The following COL4A1 variants were observed in gnomAD, a reference collection of about 807,000 sequenced individuals.
COL4A1 encodes collagen type IV alpha 1 chain.
Under a neutral mutation model 216.6 loss-of-function variants are expected in COL4A1, and 40 were observed. The ratio of observed to expected loss-of-function variants is 0.18; its 90% CI spans 0.14 to 0.24. COL4A1 has a LOEUF of 0.24. COL4A1 is among the 10% of genes least tolerant of loss of function. The pLI is 1.00. For synonymous variants in COL4A1, 839 were observed against 810.7 expected (o/e 1.03, Z -0.59); for missense variants, 1,628 against 2,196.8 (o/e 0.74, Z 5.18).
At position 110,236,025 on chromosome 13, in the gene COL4A1, T is replaced by A. The variant is rs1050095523; in HGVS notation, c.144+6650A>T. 6.6e-5 allele frequency among the ~76,000 whole-genome samples: 10 copies of A among 152,304 alleles called. No homozygotes were observed. In the East Asian group the frequency reaches 1.9e-3, roughly 29 times the overall value. On this transcript the variant is annotated intron_variant, in intron 2 of 51. Coordinates refer to ENST00000375820, the MANE Select transcript of COL4A1 (RefSeq NM_001845.6). ...TTCATCTAAGATTTAATTACAACTA[T>A]GAAAATACCCTAAATTTATGATCTT...
rs1877066627 is a variant in COL4A1 at position 110,161,173 on chromosome 13, C to A, written c.4640+19G>T. The A allele has an allele frequency of 6.2e-7, 1 of 1,612,868 alleles. No individual in the cohort carries two copies. Among genetic ancestry groups the A allele is most frequent in the South Asian group, 1.1e-5 (1 of 91,050 alleles). ...TTCCTCTTCAATTTTGCATTTGTTC[C>A]TACAGATGCTCGACTCACCTACTAA... is the stretch of plus-strand genomic sequence containing the variant. On this transcript the variant is annotated intron_variant, in intron 49 of 51. Transcript: ENST00000375820.
At position 110,207,155 on chromosome 13, in the gene COL4A1, C is replaced by T. The variant is rs1436539573; in HGVS notation, c.780+248G>A. Among the ~76,000 whole-genome samples, 1 of 151,884 alleles carries T rather than the reference C, an allele frequency of 6.6e-6. No homozygotes were observed. Among genetic ancestry groups the T allele is most frequent in the Admixed American group, 6.6e-5 (1 of 15,258 alleles). ...CTCCTCCTGACCAAGCCATCTCCAA[C>T]TTGGGGCACATTTAAGAAGCCCTGA... On this transcript the variant is annotated intron_variant, in intron 13 of 51. Coordinates refer to ENST00000375820, the MANE Select transcript of COL4A1 (RefSeq NM_001845.6). This position sits in a 1 kb window ranked among gnomAD's most constrained non-coding sequence, Gnocchi z 4.4.
intron 22 of COL4A1, 135 bp from the exon 23 acceptor site, chr13:110,193,048 C>A: frequency 1.3e-6 from 1 of 771,354 alleles, no homozygotes. Flanking sequence ...GTGGCAATGG[C>A]TCCTCCAGAC....
chr13:110,262,084 C>T (rs766860997), intron 1 of COL4A1, among the ~76,000 whole-genome samples: 10 of 152,162 alleles, frequency 6.6e-5, no homozygotes, highest in Non-Finnish European at 1.3e-4. Context: ...GTTTCTTCAA[C>T]GCCACATTAG....
chr13:110,228,636 T>C (rs935595379), intron 2 of COL4A1, among the ~76,000 whole-genome samples: 1 of 152,216 alleles, frequency 6.6e-6, no homozygotes, highest in Non-Finnish European at 1.5e-5. Flanking sequence ...AACGGATGCT[T>C]ATACCAACTC....
chr13:110,222,121 C>G (rs1566387982), intron 2 of COL4A1, among the ~76,000 whole-genome samples: 1 of 152,200 alleles, frequency 6.6e-6, no homozygotes, highest in Non-Finnish European at 1.5e-5. Flanking sequence ...GCGACCCACA[C>G]AGCAGCACCC....
intron 24 of COL4A1, 101 bp downstream of exon 24, chr13:110,192,113 C>A: frequency 1.6e-6 from 2 of 1,239,000 alleles, no homozygotes. Context: ...AGCTCCCACA[C>A]AAGGCAGAAG....
intron 1 of COL4A1, among the ~76,000 whole-genome samples, chr13:110,303,170 A>T (rs1884560575): frequency 6.6e-6 from 1 of 152,198 alleles, no homozygotes; most frequent in African/African-American, 2.4e-5. Context: ...TTAATGAATA[A>T]TGTAGGGTTT....
chr13:110,182,934 C>T, intron 28 of COL4A1, 59 bp downstream of exon 28: 3 of 1,504,598 alleles, frequency 2.0e-6, no homozygotes, highest in Non-Finnish European at 1.8e-6. Flanking sequence ...CTACCACCTC[C>T]TCTTTTCTCA....
chr13:110,231,155 G>C (rs1881041551), intron 2 of COL4A1, among the ~76,000 whole-genome samples: 1 of 152,226 alleles, frequency 6.6e-6, no homozygotes, highest in Non-Finnish European at 1.5e-5. Context: ...CCACCGAGGT[G>C]CCTCTTGCCC....
intron 24 of COL4A1, among the ~76,000 whole-genome samples, chr13:110,189,403 C>G (rs1187112662): frequency 6.6e-6 from 1 of 152,238 alleles, no homozygotes; most frequent in African/African-American, 2.4e-5. Context: ...CACTGGCCAG[C>G]AGCTGCCAGA....
At chr13:110,213,744 G>A (rs768027625) in intron 4 of COL4A1, 38 bp downstream of exon 4, 15 of 1,606,446 alleles carry the variant, frequency 9.3e-6, no homozygotes, top group East Asian at 4.5e-5. Flanking sequence ...CCTGTCCCAC[G>A]CATGGAATCA....
Position 110,198,487 on chromosome 13 carries a change from G to T in COL4A1, c.1265C>A (p.Pro422His), listed in dbSNP as rs759534670. 6.2e-7 allele frequency: 1 copy of T among 1,612,618 alleles called. No homozygotes were observed. Among genetic ancestry groups the T allele is most frequent in the Non-Finnish European group, 8.5e-7 (1 of 1,178,916 alleles). The change falls in exon 21 of 52, where the codon CCT becomes CAT. Residue 422 changes from proline to histidine, a missense_variant. Around this residue, in one of 8 missense-constraint regions of COL4A1, gnomAD observed 701 missense variants for 892.5 expected, o/e 0.79. Transcript: ENST00000375820. The stretch of plus-strand genomic sequence containing the variant: ...CTCACTTGTGTAGCCAGGCTGCCCA[G>T]GGGGCCCAGGGGAACCAGGAGGACC... ...LPGPPGSPGPPGQPGYTNGIV... is the reference protein window; with the variant it reads ...LPGPPGSPGPHGQPGYTNGIV...
chr13:110,247,141 A>C (rs1297142197), intron 1 of COL4A1, among the ~76,000 whole-genome samples: 1 of 152,186 alleles, frequency 6.6e-6, no homozygotes, highest in Non-Finnish European at 1.5e-5. Flanking sequence ...AAACCAAGTC[A>C]GTTTTGAAAG....
At chr13:110,160,397 T>C (rs963880399) in intron 49 of COL4A1, among the ~76,000 whole-genome samples, 22 of 87,252 alleles carry the variant, frequency 2.5e-4, no homozygotes, top group Non-Finnish European at 3.8e-4. Context: ...GAGCCGAGAT[T>C]GCGCCACTGC....
intron 31 of COL4A1, 53 bp downstream of exon 31, chr13:110,178,870 C>T: frequency 7.1e-7 from 1 of 1,416,364 alleles, no homozygotes; most frequent in Non-Finnish European, 9.8e-7. Context: ...ATCCCCCATG[C>T]TTCAGAAAAG....
intron 1 of COL4A1, among the ~76,000 whole-genome samples, chr13:110,292,786 C>G (rs1884139297): frequency 6.6e-6 from 1 of 152,128 alleles, no homozygotes; most frequent in South Asian, 2.1e-4. Flanking sequence ...GACAGGAACT[C>G]AAAGGATGAT....
chr13:110,225,726 C>A lies in COL4A1; in HGVS notation c.145-11711G>T, dbSNP rs1880708880. 2.6e-5 allele frequency among the ~76,000 whole-genome samples: 4 copies of A among 152,298 alleles called. No homozygotes were observed. The South Asian group carries it at 8.3e-4, about 32-fold the overall frequency. Reference sequence around the variant, plus strand: ...GACTGCAAAAACAAGCACCTGCACTCCGGGTGAGCACGCGGAGCTCCGGGC... The same window carrying A: ...GACTGCAAAAACAAGCACCTGCACTACGGGTGAGCACGCGGAGCTCCGGGC... On this transcript the variant is annotated intron_variant, in intron 2 of 51. Transcript: ENST00000375820.
intron 1 of COL4A1, among the ~76,000 whole-genome samples, chr13:110,291,115 G>A (rs1333956911): frequency 3.3e-5 from 5 of 152,312 alleles, no homozygotes; most frequent in East Asian, 1.9e-4. Context: ...TCACCTGTCC[G>A]AGAACACTGG....
Sources: allele counts gnomAD v4.1 joint callset (sites outside exome capture counted in the v4.1 genomes callset), GRCh38; gene constraint gnomAD v4.1.1; regional missense constraint gnomAD v4.1.1; non-coding constraint Gnocchi (gnomAD v3.1); transcripts MANE v1.5; gene names NCBI Gene and HGNC (gene_info 2026-07-23, HGNC 2026-07-21).